Variants in LCOR observed in about 807,000 individuals in gnomAD.
LCOR encodes the protein ligand dependent nuclear receptor corepressor.
In LCOR, 14 loss-of-function variants were observed where a neutral mutation model predicts 64.4. The observed-to-expected ratio is 0.22, with a 90% CI of 0.14 to 0.34. The LOEUF (loss-of-function observed/expected upper bound fraction) is 0.34. Ranked by LOEUF, LCOR falls within the 10% of genes least tolerant of loss-of-function variation. The pLI is 1.00. For synonymous variants in LCOR, 643 were observed against 642.5 expected (o/e 1.00, Z -0.01); for missense variants, 1,686 against 1,765.3 (o/e 0.96, Z 0.80).
intron 2 of LCOR, among the ~76,000 whole-genome samples, chr10:96,839,455 G>T (rs550198985): frequency 6.6e-6 from 1 of 152,230 alleles, no homozygotes; most frequent in South Asian, 2.1e-4. Flanking sequence ...TGTAATCCCA[G>T]TACTATGGGA....
chr10:96,877,055 A>G (rs141344575), intron 2 of LCOR, among the ~76,000 whole-genome samples: 2 of 152,278 alleles, frequency 1.3e-5, no homozygotes, highest in African/African-American at 4.8e-5. Context: ...AAATTTAAAC[A>G]TCAAGGTAAA....
At chr10:96,957,561 C>T in intron 7 of LCOR, 1 of 985,224 alleles carries the variant, frequency 1.0e-6, no homozygotes, top group South Asian at 4.7e-5. Context: ...CAAAAACAAA[C>T]ATTATTGGAG....
chr10:96,958,928 CAAAA>C (rs1194692045), intron 7 of LCOR: 2 of 103,810 alleles, frequency 1.9e-5, no homozygotes, highest in Non-Finnish European at 2.0e-5. Flanking sequence ...AAAAAAAAAA[CAAAA>C]AGCTGCTGGA....
rs377659400 is a variant in LCOR, at chr10:96,915,445, C to G, written c.-184+7698C>G. On this transcript the variant is annotated intron_variant, in intron 4 of 7. Coordinates refer to ENST00000421806, the MANE Select transcript of LCOR (RefSeq NM_001346516.2). ...CTGAGGCAGGAGAATCACTTGAACC[C>G]AGGAGGCGGAGGTTGCAGTCAGCCG... 7.2e-4 allele frequency among the ~76,000 whole-genome samples: 110 copies of G among 152,308 alleles called. 1 individual carries two copies. The highest frequency in any genetic ancestry group is 2.3e-3 in the African/African-American group (96 of 41,576).
intron 4 of LCOR, among the ~76,000 whole-genome samples, chr10:96,933,817 C>T (rs1847303949): frequency 6.6e-6 from 1 of 152,052 alleles, no homozygotes; most frequent in African/African-American, 2.4e-5. Flanking sequence ...CGTGCCTGGC[C>T]GAAAGACTCT....
At chr10:96,918,534 G>C (rs1846994315) in intron 4 of LCOR, among the ~76,000 whole-genome samples, 1 of 152,172 alleles carries the variant, frequency 6.6e-6, no homozygotes, top group South Asian at 2.1e-4. Context: ...ATAGGCAAAG[G>C]ATTTAAGTAA....
intron 2 of LCOR, among the ~76,000 whole-genome samples, chr10:96,853,068 G>T (rs906881914): frequency 1.3e-5 from 2 of 151,918 alleles, no homozygotes; most frequent in African/African-American, 4.8e-5. Context: ...TTTTTTTGAG[G>T]TGGAGTCTCG....
intron 4 of LCOR, among the ~76,000 whole-genome samples, chr10:96,927,497 TA>T (rs1035867852): frequency 7.9e-5 from 12 of 152,242 alleles, no homozygotes; most frequent in Admixed American, 5.9e-4. Context: ...CTTTTTCTCT[TA>T]AAATTTATGT....
At chr10:96,937,135 G>T (rs1160253627) in intron 4 of LCOR, among the ~76,000 whole-genome samples, 3 of 152,180 alleles carry the variant, frequency 2.0e-5, no homozygotes, top group Admixed American at 6.5e-5. Flanking sequence ...CTTATAAGGA[G>T]AAAGAGACTT....
chr10:96,933,270 T>C (rs1279011615), intron 4 of LCOR, among the ~76,000 whole-genome samples: 1 of 152,220 alleles, frequency 6.6e-6, no homozygotes, highest in African/African-American at 2.4e-5. Flanking sequence ...GTGTACAAGG[T>C]AGCTTTTTTC....
At position 96,982,757 on chromosome 10, in the gene LCOR, C is replaced by T. The variant is rs139765124; in HGVS notation, c.2297C>T (p.Ala766Val). Reference protein sequence around the residue: ...ENPSETEESEAAGGIGKLEGE... With the variant: ...ENPSETEESEVAGGIGKLEGE... Reference sequence around the variant, plus strand: ...CCCAGTGAAACTGAGGAAAGTGAGGCAGCAGGTGGTATAGGAAAATTAGAG... The same window carrying T: ...CCCAGTGAAACTGAGGAAAGTGAGGTAGCAGGTGGTATAGGAAAATTAGAG... The change falls in exon 8 of 8, where the codon GCA becomes GTA. Residue 766 changes from alanine (A) to valine (V), a missense_variant. Ala to Val is a moderately conservative substitution (Grantham distance 64, BLOSUM62 0). Around this residue, in one of 3 missense-constraint regions of LCOR, gnomAD observed 1,293 missense variants for 1,410.4 expected, o/e 0.92. Transcript: ENST00000421806. 1.6e-5 allele frequency: 26 copies of T among 1,614,022 alleles called. No individual in the cohort carries two copies. The African/African-American group carries it at 2.9e-4, about 18-fold the overall frequency.
At position 96,907,303 on chromosome 10, in the gene LCOR, T is replaced by G; in HGVS notation, c.-291T>G. The G allele has an allele frequency of 5.1e-6, 5 of 982,440 alleles. No individual in the cohort carries two copies. Among genetic ancestry groups the G allele is most frequent in the Non-Finnish European group, 6.0e-6 (5 of 826,838 alleles). The allele number at this position is 982,440 out of a possible 1,614,324, so 60.9% of individuals were successfully genotyped here. A position where few individuals can be genotyped will look rare whatever the true frequency, so the allele number is the denominator to read the frequency against. ...TCTTGAAGGGCTGTTTGGACCTGCA[T>G]TATTAAAAGATCTCAGTTTATTTAA... On this transcript the variant is annotated 5_prime_UTR_variant, in exon 3 of 8. Transcript: ENST00000421806.
In LCOR at chr10:96,932,773, T is replaced by C. The variant is rs529081261; in HGVS notation, c.-183-11340T>C. On this transcript the variant is annotated intron_variant, in intron 4 of 7. Coordinates refer to ENST00000421806, the MANE Select transcript of LCOR (RefSeq NM_001346516.2). ...CACCATGCCTGGACCAAAGAATCATTGTATACCAATGAAATCTGATGTCTA... is the reference window on the plus strand; with the variant it reads ...CACCATGCCTGGACCAAAGAATCATCGTATACCAATGAAATCTGATGTCTA... 2.0e-5 allele frequency among the ~76,000 whole-genome samples: 3 copies of C among 152,324 alleles called. No homozygotes were observed. The East Asian group carries it at 5.8e-4, about 29-fold the overall frequency.
intron 2 of LCOR, among the ~76,000 whole-genome samples, chr10:96,834,573 G>A (rs1250735593): frequency 6.6e-6 from 1 of 152,108 alleles, no homozygotes; most frequent in Admixed American, 6.6e-5. Flanking sequence ...AAATTAATGC[G>A]TTTTCAGAAT....
At chr10:96,865,486 G>A (rs1845955074) in intron 2 of LCOR, among the ~76,000 whole-genome samples, 1 of 152,062 alleles carries the variant, frequency 6.6e-6, no homozygotes, top group Non-Finnish European at 1.5e-5. Flanking sequence ...AAATAGGAGT[G>A]ATTTTTTTAT....
intron 2 of LCOR, among the ~76,000 whole-genome samples, chr10:96,855,119 C>A (rs1200738949): frequency 6.6e-6 from 1 of 152,106 alleles, no homozygotes; most frequent in East Asian, 1.9e-4. Context: ...GTTCAGGGAT[C>A]CTTCTGAGAT....
intron 7 of LCOR, among the ~76,000 whole-genome samples, chr10:96,978,135 G>A (rs888036993): frequency 6.6e-6 from 1 of 152,186 alleles, no homozygotes; most frequent in South Asian, 2.1e-4. Context: ...AGGGGTCTGG[G>A]GTCCTTCAGC....
chr10:96,948,673 G>A (rs1259390073), intron 5 of LCOR, among the ~76,000 whole-genome samples: 1 of 152,188 alleles, frequency 6.6e-6, no homozygotes, highest in African/African-American at 2.4e-5. Context: ...ACCTATAGGT[G>A]TGTTAACATG....
At position 96,986,868 on chromosome 10, in the gene LCOR, A is replaced by G. The variant is rs1399663667; in HGVS notation, c.*1734A>G. Reference sequence around the variant, plus strand: ...AGATAAGCCCAGATGGACTTTTTTCATGCAAATCATGATAATACAGGCCTT... The same window carrying G: ...AGATAAGCCCAGATGGACTTTTTTCGTGCAAATCATGATAATACAGGCCTT... On this transcript the variant is annotated 3_prime_UTR_variant, in exon 8 of 8. Coordinates refer to ENST00000421806, the MANE Select transcript of LCOR (RefSeq NM_001346516.2). 1.3e-5 allele frequency: 2 copies of G among 152,214 alleles called. No individual in the cohort carries two copies. The highest frequency in any genetic ancestry group is 2.9e-5 in the Non-Finnish European group (2 of 68,040). 9.4% of individuals were successfully genotyped at this position (152,214 alleles called of 1,614,324 possible). A position where few individuals can be genotyped will look rare whatever the true frequency, so the allele number is the denominator to read the frequency against.
Sources: gnomAD v4.1 joint callset for allele counts (sites outside exome capture counted in the v4.1 genomes callset) on GRCh38, gnomAD v4.1.1 for gene constraint, gnomAD v4.1.1 regional missense constraint, MANE v1.5 for transcripts, NCBI Gene and HGNC (gene_info 2026-07-23, HGNC 2026-07-21) for gene names.